The following CUX1 variants were observed in gnomAD, a reference collection of about 807,000 sequenced individuals.
The protein encoded by CUX1 is cut like homeobox 1, also known as protein CASP.
In CUX1, 31 loss-of-function variants were observed where a neutral mutation model predicts 158.8. The ratio of observed to expected loss-of-function variants is 0.20; its 90% CI spans 0.15 to 0.26. The LOEUF is 0.26. CUX1 is among the 10% of genes least tolerant of loss of function. CUX1 has a pLI of 1.00. For synonymous variants in CUX1, 879 were observed against 862.1 expected (o/e 1.02, Z -0.34); for missense variants, 1,589 against 2,014.6 (o/e 0.79, Z 4.04).
chr7:101,821,641 ATTTTCTTTTC>A (rs958148716), intron 1 of CUX1, among the ~76,000 whole-genome samples: 1 of 60,522 alleles, frequency 1.7e-5, no homozygotes, highest in South Asian at 4.7e-4. Context: ...CCCGGCCCCT[ATTTTCTTTTC>A]TTTTCTTTTT....
chr7:101,923,295 G>A (rs558180426), intron 2 of CUX1, among the ~76,000 whole-genome samples: 2 of 152,326 alleles, frequency 1.3e-5, no homozygotes, highest in Non-Finnish European at 2.9e-5. Context: ...GTCTGTGTTA[G>A]GCTTGCTTCC....
At chr7:102,166,741 C>T (rs1450891776) in intron 9 of CUX1, among the ~76,000 whole-genome samples, 2 of 152,164 alleles carry the variant, frequency 1.3e-5, no homozygotes, top group Non-Finnish European at 2.9e-5. Context: ...TCTCCTGTTT[C>T]GTGGATCTCA....
At position 101,817,649 on chromosome 7, in the gene CUX1, G is replaced by T; in HGVS notation, c.10G>T (p.Val4Leu). Reference sequence around the variant, plus strand: ...GGACTCTGCCAGGTGGATGTTGTGCGTAGCCGGAGCCAGGTTGAAGGTGAG... The same window carrying T: ...GGACTCTGCCAGGTGGATGTTGTGCTTAGCCGGAGCCAGGTTGAAGGTGAG... MLC[V>L]AGARLKRELD... Residue 4 changes from valine (V) to leucine (L), a missense_variant, in exon 1 of 24, where the codon GTA becomes TTA. Coordinates refer to ENST00000292535, the MANE Select transcript of CUX1 (RefSeq NM_181552.4). The surrounding 1 kb of genome is among the most constrained non-coding windows in gnomAD (Gnocchi z 4.1). 6.4e-7 allele frequency: 1 copy of T among 1,552,084 alleles called. No homozygotes were observed.
rs73412052 is a variant in CUX1 at position 102,252,991 on chromosome 7, C to T, written c.*3949C>T. 666 of 985,434 alleles carry T rather than the reference C, an allele frequency of 6.8e-4. 3 individuals carry two copies. In the African/African-American group the frequency reaches 0.01, roughly 15 times the overall value. 61.0% of individuals were successfully genotyped at this position (985,434 alleles called of 1,614,324 possible). ...TGAGAAATGCCAGGATCGTGGCTCA[C>T]AGGGACCCACCATCAAAACCTGCTA... On this transcript the variant is annotated 3_prime_UTR_variant, in exon 24 of 24. Coordinates refer to ENST00000292535, the MANE Select transcript of CUX1 (RefSeq NM_181552.4).
chr7:101,887,052 T>C (rs1346932747), intron 1 of CUX1, among the ~76,000 whole-genome samples: 2 of 152,086 alleles, frequency 1.3e-5, no homozygotes, highest in Non-Finnish European at 2.9e-5. Flanking sequence ...TGGGGCCCAA[T>C]AGCAAATGTT....
chr7:102,248,430 A>C lies in CUX1; in HGVS notation c.3906A>C (p.Glu1302Asp). 6.3e-7 allele frequency: 1 copy of C among 1,597,102 alleles called. No homozygotes were observed. Among genetic ancestry groups the C allele is most frequent in the Non-Finnish European group, 8.5e-7 (1 of 1,175,672 alleles). ...CTTGTAGGTCTCGGATCCGCAGAGAACTGTTCATTGAGGAAATTCAGGCCG... is the reference window on the plus strand; with the variant it reads ...CTTGTAGGTCTCGGATCCGCAGAGACCTGTTCATTGAGGAAATTCAGGCCG... ...FHNYRSRIRR[E>D]LFIEEIQAGS... Residue 1302 changes from glutamate (E) to aspartate (D), a missense_variant, in exon 24 of 24, where the codon GAA becomes GAC. By Grantham distance (45) the Glu-to-Asp change is conservative (BLOSUM62 2). This residue lies in a region of CUX1 where 344 missense variants were observed against 323.7 expected (regional missense o/e 1.06). Coordinates refer to ENST00000292535, the MANE Select transcript of CUX1 (RefSeq NM_181552.4). This position sits in a 1 kb window ranked among gnomAD's most constrained non-coding sequence, Gnocchi z 5.8.
intron 2 of CUX1, among the ~76,000 whole-genome samples, chr7:101,917,120 G>T (rs78044290): frequency 6.6e-6 from 1 of 152,188 alleles, no homozygotes; most frequent in Non-Finnish European, 1.5e-5. Flanking sequence ...TCTCCGTATC[G>T]TAGCTCTTGG....
chr7:102,105,100 T>A (rs557214068), intron 6 of CUX1, among the ~76,000 whole-genome samples: 1 of 152,226 alleles, frequency 6.6e-6, no homozygotes, highest in African/African-American at 2.4e-5. Context: ...CATTTCCCAG[T>A]GTGTGTCCTC....
chr7:102,266,314 C>T (rs1725601), intron 14 of CUX1, among the ~76,000 whole-genome samples: 18,124 of 151,342 alleles, frequency 0.12, 1,196 homozygotes, highest in Middle Eastern at 0.16. Context: ...ACCGAAGGGT[C>T]GCAGAGAGCT....
At chr7:102,120,305 TAC>T (rs1271323152) in intron 8 of CUX1, among the ~76,000 whole-genome samples, 11 of 152,224 alleles carry the variant, frequency 7.2e-5, no homozygotes, top group Admixed American at 7.2e-4. Flanking sequence ...CCAGCTGCAA[TAC>T]ACACAGTCAG....
intron 2 of CUX1, among the ~76,000 whole-genome samples, chr7:101,984,101 T>A (rs867655818): frequency 0.1 from 1,894 of 18,370 alleles, 145 homozygotes; most frequent in Non-Finnish European, 0.14. Context: ...TATATATATA[T>A]ATATATATAT....
intron 3 of CUX1, among the ~76,000 whole-genome samples, chr7:102,044,843 C>A (rs1204038866): frequency 6.6e-6 from 1 of 152,104 alleles, no homozygotes; most frequent in African/African-American, 2.4e-5. Context: ...TGGAGCAGAC[C>A]AGGCACTCTG....
At chr7:102,269,572 ATTTTTT>A (rs71123030) in intron 14 of CUX1, among the ~76,000 whole-genome samples, 4 of 107,804 alleles carry the variant, frequency 3.7e-5, no homozygotes, top group South Asian at 3.0e-4. Flanking sequence ...TGCCCGGCTA[ATTTTTT>A]TTTTTTTTTT....
At chr7:102,234,025 C>G in intron 21 of CUX1, 27 bp from the exon 22 acceptor site, 1 of 1,434,498 alleles carries the variant, frequency 7.0e-7, no homozygotes, top group Admixed American at 2.7e-5. Context: ...GGTGACAATA[C>G]CTGTCTTGCT....
intron 1 of CUX1, among the ~76,000 whole-genome samples, chr7:101,907,643 G>A (rs1802911828): frequency 6.6e-6 from 1 of 151,962 alleles, no homozygotes; most frequent in South Asian, 2.1e-4. Context: ...GTCACCCACT[G>A]GCCACAAACT....
chr7:101,922,250 T>G (rs1805042427), intron 2 of CUX1, among the ~76,000 whole-genome samples: 1 of 152,234 alleles, frequency 6.6e-6, no homozygotes, highest in South Asian at 2.1e-4. Context: ...CTTATCTTTC[T>G]TAGTAAGCAA....
At chr7:101,944,932 G>A (rs1221777308) in intron 2 of CUX1, among the ~76,000 whole-genome samples, 1 of 152,202 alleles carries the variant, frequency 6.6e-6, no homozygotes, top group African/African-American at 2.4e-5. Flanking sequence ...GCAAGGTGTT[G>A]CAATTTAGCC....
intron 3 of CUX1, among the ~76,000 whole-genome samples, chr7:102,052,237 C>T (rs1457039982): frequency 2.6e-5 from 4 of 151,870 alleles, no homozygotes; most frequent in South Asian, 2.1e-4. Flanking sequence ...AAGAAAGAAA[C>T]GTAATACCCA....
chr7:102,050,956 GGTCT>G (rs946376540), intron 3 of CUX1, among the ~76,000 whole-genome samples: 2 of 152,032 alleles, frequency 1.3e-5, no homozygotes, highest in African/African-American at 2.4e-5. Flanking sequence ...TTCCTGGTCT[GGTCT>G]GTCTACCACC....
Sources: allele counts gnomAD v4.1 joint callset (sites outside exome capture counted in the v4.1 genomes callset), GRCh38; gene constraint gnomAD v4.1.1; regional missense constraint gnomAD v4.1.1; non-coding constraint Gnocchi (gnomAD v3.1); transcripts MANE v1.5; gene names NCBI Gene and HGNC (gene_info 2026-07-23, HGNC 2026-07-21).